The following WDR46 variants were observed in gnomAD, a reference collection of about 807,000 sequenced individuals.
The protein encoded by WDR46 is WD repeat domain 46, also known as WD repeat-containing protein 46.
In WDR46, 58 loss-of-function variants were observed where a neutral mutation model predicts 74.7. That is an observed-to-expected ratio of 0.78 (90% confidence interval 0.63 to 0.97). The LOEUF (loss-of-function observed/expected upper bound fraction) is 0.97. Ranked by LOEUF, WDR46 falls within the 50% of genes least tolerant of loss-of-function variation. WDR46 has a pLI of 0.00. For missense variants in WDR46, 702 were observed against 790.1 expected (o/e 0.89, Z 1.34); for synonymous variants, 278 against 297.3 (o/e 0.93, Z 0.67).
intron 12 of WDR46, 143 bp from the exon 13 acceptor site, chr6:33,280,002 C>G (rs1430432137): frequency 2.8e-6 from 2 of 725,240 alleles, no homozygotes; most frequent in Non-Finnish European, 2.2e-6. Flanking sequence ...CCTCCAACCC[C>G]AAACCACACC....
intron 12 of WDR46, 143 bp downstream of exon 12, chr6:33,280,279 TTCTCCA>T: frequency 1.4e-6 from 1 of 692,130 alleles, no homozygotes; most frequent in Non-Finnish European, 2.4e-6. Context: ...GAACCTGACC[TTCTCCA>T]GCAGTGGGGA....
At chr6:33,285,384 G>A (rs980964038) in intron 10 of WDR46, among the ~76,000 whole-genome samples, 1 of 151,560 alleles carries the variant, frequency 6.6e-6, no homozygotes, top group African/African-American at 2.4e-5. Context: ...TCTATCTTCT[G>A]TAGAGACAGA....
intron 4 of WDR46, 27 bp downstream of exon 4, chr6:33,288,331 T>C (rs1184484318): frequency 5.0e-6 from 8 of 1,613,688 alleles, no homozygotes; most frequent in African/African-American, 1.3e-5. Flanking sequence ...AGGCAGGGAA[T>C]GGGGGTCCAG....
intron 12 of WDR46, 86 bp downstream of exon 12, chr6:33,280,317 GGGAACCTGACCTTCTCCAGGAAGGA>G (rs1372305788): frequency 2.7e-6 from 3 of 1,128,832 alleles, no homozygotes; most frequent in South Asian, 1.4e-5. Context: ...TCCAGCAGGG[GGGAACCTGACCTTCTCCAGGAAGGA>G]GGAACCTCAC....
chr6:33,280,310 A>G, intron 12 of WDR46, 118 bp downstream of exon 12: 1 of 1,053,150 alleles, frequency 9.5e-7, no homozygotes, highest in Non-Finnish European at 1.4e-6. Flanking sequence ...GACCTTCTCC[A>G]GCAGGGGGGA....
chr6:33,280,315 G>C lies in WDR46; in HGVS notation c.1524+113C>G, dbSNP rs72655905. On this transcript the variant is annotated intron_variant, in intron 12 of 14. Transcript: ENST00000374617. The stretch of plus-strand genomic sequence containing the variant: ...TGGGGAACCTGACCTTCTCCAGCAG[G>C]GGGGAACCTGACCTTCTCCAGGAAG... The C allele has an allele frequency of 8.3e-4, 921 of 1,109,294 alleles. 2 individuals carry two copies. The highest frequency in any genetic ancestry group is 1.1e-3 in the Non-Finnish European group (857 of 764,574). The allele number at this position is 1,109,294 out of a possible 1,614,324, so 68.7% of individuals were successfully genotyped here.
chr6:33,287,695 C>T lies in WDR46; in HGVS notation c.647G>A (p.Arg216Gln), dbSNP rs749349456. The T allele has an allele frequency of 1.4e-5, 23 of 1,613,944 alleles. No homozygotes were observed. The highest frequency in any genetic ancestry group is 1.9e-5 in the Non-Finnish European group (22 of 1,179,988). The part of the protein sequence containing the change: ...TGRHLAFGGR[R>Q]GHVAALDWVT... ...CCAATCAAGGGCAGCCACATGACCT[C>T]GGCGCCCTCCAAAAGCCAGGTGTCT... The change falls in exon 7 of 15, where the codon CGA becomes CAA. Residue 216 changes from arginine (R) to glutamine (Q), a missense_variant. Transcript: ENST00000374617.
In WDR46 at chr6:33,280,866, C is replaced by T. The variant is rs750442823; in HGVS notation, c.1237G>A (p.Gly413Arg). ...TCACCCATTCCCGCCACCAGCAGTC[C>T]CCTCTGGGAGAAGGCCAGGTGCCCT... is the stretch of plus-strand genomic sequence containing the variant. Reference protein sequence around the residue: ...GAGHLAFSQRGLLVAGMGDVV... With the variant: ...GAGHLAFSQRRLLVAGMGDVV... Residue 413 changes from glycine (G) to arginine (R), a missense_variant, in exon 11 of 15, where the codon GGA (glycine) becomes AGA (arginine). Transcript: ENST00000374617. The T allele has an allele frequency of 1.4e-5, 23 of 1,614,078 alleles. No individual in the cohort carries two copies.
At chr6:33,280,646 T>G in intron 11 of WDR46, 28 bp downstream of exon 11, 1 of 1,588,884 alleles carries the variant, frequency 6.3e-7, no homozygotes, top group Non-Finnish European at 8.6e-7. Context: ...GTTCATTCAC[T>G]TCAAGCCCCA....
Position 33,288,630 on chromosome 6 carries a change from A to G in WDR46, c.344T>C (p.Ile115Thr). 2 of 1,612,392 alleles carry G rather than the reference A, an allele frequency of 1.2e-6. No homozygotes were observed. The highest frequency in any genetic ancestry group is 2.2e-5 in the East Asian group (1 of 44,812). Residue 115 changes from isoleucine (I) to threonine (T), a missense_variant, in exon 3 of 15, where the codon ATT (isoleucine) becomes ACT (threonine). By Grantham distance (89) the Ile-to-Thr change is moderately conservative (BLOSUM62 -1). Coordinates refer to ENST00000374617, the MANE Select transcript of WDR46 (RefSeq NM_005452.6). Reference sequence around the variant, plus strand: ...GGACCTCACCTTTCGGGATTTGTCAATGCGACAGAACTTCTGGACCACTTC... The same window carrying G: ...GGACCTCACCTTTCGGGATTTGTCAGTGCGACAGAACTTCTGGACCACTTC... ...PVEVVQKFCRIDKSRKLPHSK... is the reference protein window; with the variant it reads ...PVEVVQKFCRTDKSRKLPHSK...
chr6:33,282,350 T>G (rs2150898943), intron 10 of WDR46, among the ~76,000 whole-genome samples: 1 of 152,224 alleles, frequency 6.6e-6, no homozygotes, highest in East Asian at 1.9e-4. Flanking sequence ...AGAAAGGCCA[T>G]CAGTGCAAAC....
At chr6:33,280,206 G>A (rs9469395) in intron 12 of WDR46, among the ~76,000 whole-genome samples, 6,593 of 139,990 alleles carry the variant, frequency 0.047, 259 homozygotes, top group Middle Eastern at 0.11. Context: ...ACCTGACCCC[G>A]TCCAGGAGAG....
At chr6:33,286,671 G>T in intron 10 of WDR46, 124 bp downstream of exon 10, 1 of 882,514 alleles carries the variant, frequency 1.1e-6, no homozygotes, top group Non-Finnish European at 1.8e-6. Context: ...AGGCCCATCC[G>T]TGGTAACACT....
Position 33,280,801 on chromosome 6 carries a change from T to G in WDR46, c.1302A>C (p.Pro434=). The G allele has an allele frequency of 1.2e-6, 2 of 1,613,748 alleles. No homozygotes were observed. The highest frequency in any genetic ancestry group is 1.1e-5 in the South Asian group (1 of 91,066). The change falls in exon 11 of 15, where the codon CCA becomes CCC. Residue 434 remains proline (P), a synonymous_variant. Transcript: ENST00000374617. Reference sequence around the variant, plus strand: ...TGAGGTAGGGCTGTTCAAGGGAGGGTGGGCTGGCCTTGCCCTGCCCTGCCC... The same window carrying G: ...TGAGGTAGGGCTGTTCAAGGGAGGGGGGGCTGGCCTTGCCCTGCCCTGCCC... ...NIWAGQGKAS[P]PSLEQPYLTH...
chr6:33,288,838 C>G lies in WDR46; in HGVS notation c.245G>C (p.Trp82Ser). 6.2e-7 allele frequency: 1 copy of G among 1,614,166 alleles called. No homozygotes were observed. The highest frequency in any genetic ancestry group is 1.7e-5 in the Admixed American group (1 of 60,020). ...GCCGCGCTGGGACTCCGGGTTCTTC[C>G]ATTCTCGGGGTTTCTTCGGGACCTG... ...KPQVPKKPREWKNPESQRGLS... is the reference protein window; with the variant it reads ...KPQVPKKPRESKNPESQRGLS... Residue 82 changes from tryptophan to serine, a missense_variant, in exon 2 of 15, where the codon TGG becomes TCG. Trp to Ser is a radical substitution (Grantham distance 177). Transcript: ENST00000374617.
intron 6 of WDR46, 26 bp from the exon 7 acceptor site, chr6:33,287,744 G>A: frequency 6.2e-7 from 1 of 1,611,748 alleles, no homozygotes; most frequent in South Asian, 1.1e-5. Context: ...GGCAGGCAGG[G>A]TGTTAAGGCA....
At chr6:33,286,725 A>C in intron 10 of WDR46, 70 bp downstream of exon 10, 1 of 1,467,030 alleles carries the variant, frequency 6.8e-7, no homozygotes, top group Non-Finnish European at 9.5e-7. Flanking sequence ...CTGTGCTCCT[A>C]AAGCACACTG....
Position 33,288,497 on chromosome 6 carries a change from G to A in WDR46, c.361-27C>T, listed in dbSNP as rs777299603. On this transcript the variant is annotated intron_variant, in intron 3 of 14. Transcript: ENST00000374617. ...TGTAACATTGTTGGTGGGGAGGAGT[G>A]GCAGAAGAACCACAGGATAAGTGGG... The A allele has an allele frequency of 6.4e-5, 104 of 1,612,942 alleles. 1 individual carries two copies. Among genetic ancestry groups the A allele is most frequent in the Non-Finnish European group, 8.7e-5 (103 of 1,178,972 alleles).
Position 33,279,143 on chromosome 6 carries a change from C to G in WDR46, c.*133G>C. ...CGCTTTCCTCTTTAATACCAACCCACCCCAGGAGACAGCTGTCCACCCCCA... is the reference window on the plus strand; with the variant it reads ...CGCTTTCCTCTTTAATACCAACCCAGCCCAGGAGACAGCTGTCCACCCCCA... On this transcript the variant is annotated 3_prime_UTR_variant, in exon 15 of 15. Coordinates refer to ENST00000374617, the MANE Select transcript of WDR46 (RefSeq NM_005452.6). The G allele has an allele frequency of 7.6e-7, 1 of 1,309,582 alleles. No individual in the cohort carries two copies. Among genetic ancestry groups the G allele is most frequent in the Non-Finnish European group, 1.1e-6 (1 of 944,198 alleles). 81.1% of individuals were successfully genotyped at this position (1,309,582 alleles called of 1,614,324 possible).
Sources: gnomAD v4.1 joint callset for allele counts (sites outside exome capture counted in the v4.1 genomes callset) on GRCh38, gnomAD v4.1.1 for gene constraint, MANE v1.5 for transcripts, NCBI Gene and HGNC (gene_info 2026-07-23, HGNC 2026-07-21) for gene names.